Variants in DLG5 observed in about 807,000 individuals in gnomAD.
DLG5 encodes the protein discs large MAGUK scaffold protein 5.
A neutral mutation model predicts 189.8 loss-of-function variants in DLG5; 48 were observed. The observed-to-expected ratio is 0.25, with a 90% CI of 0.20 to 0.32. The LOEUF is 0.32. DLG5 is among the 10% of genes least tolerant of loss of function. The pLI is 1.00. For synonymous variants in DLG5, 1,016 were observed against 1,054.1 expected, an observed-to-expected ratio of 0.96 and a Z score of 0.70; for missense variants, 2,160 against 2,544.7, an observed-to-expected ratio of 0.85 and a Z score of 3.25.
intron 1 of DLG5, among the ~76,000 whole-genome samples, chr10:77,887,992 G>T (rs1453552381): frequency 6.6e-6 from 1 of 152,272 alleles, no homozygotes. Flanking sequence ...CAACAAAGCA[G>T]CAATTTTCAT....
chr10:77,917,214 C>A (rs529106154), intron 1 of DLG5, among the ~76,000 whole-genome samples: 1 of 151,838 alleles, frequency 6.6e-6, no homozygotes, highest in Non-Finnish European at 1.5e-5. Flanking sequence ...TGGTGGCGGG[C>A]GCCTGTAGTC....
rs753809753 is a variant in DLG5 at position 77,829,500 on chromosome 10, A to G, written c.2040T>C (p.Asp680=). The part of the protein sequence containing the change: ...RVNDWLLRIN[D]VDLINKDKKQ... ...TCTTGTCCTTGTTGATGAGGTCCAC[A>G]TCGTTGATTCTCAGCAGCCAGTCAT... is the stretch of plus-strand genomic sequence containing the variant. The change falls in exon 12 of 32, where the codon GAT becomes GAC. Residue 680 remains aspartate, a synonymous_variant. Transcript: ENST00000372391. 2.0e-5 allele frequency: 33 copies of G among 1,612,484 alleles called. No homozygotes were observed. In the South Asian group the frequency reaches 2.9e-4, roughly 14 times the overall value.
At chr10:77,916,759 G>A (rs1298213210) in intron 1 of DLG5, among the ~76,000 whole-genome samples, 1 of 151,554 alleles carries the variant, frequency 6.6e-6, no homozygotes, top group Non-Finnish European at 1.5e-5. Flanking sequence ...TTCACTTCTG[G>A]GTATAAACCC....
At chr10:77,926,925 G>C (rs2131891578), upstream of DLG5, 1 of 353,572 alleles carries the variant, frequency 2.8e-6, no homozygotes, top group South Asian at 1.9e-5. This position sits in a 1 kb window ranked among gnomAD's most constrained non-coding sequence, Gnocchi z 5.2. Flanking sequence ...CGGGCCGCGC[G>C]CCGCCCCCAG....
chr10:77,838,236 C>T (rs1056240398), intron 7 of DLG5, among the ~76,000 whole-genome samples: 2 of 152,158 alleles, frequency 1.3e-5, no homozygotes, highest in African/African-American at 2.4e-5. Context: ...CTTCTACAGA[C>T]GGAACTCGGT....
At chr10:77,840,309 G>A (rs1035650025) in intron 7 of DLG5, among the ~76,000 whole-genome samples, 1 of 152,130 alleles carries the variant, frequency 6.6e-6, no homozygotes, top group African/African-American at 2.4e-5. Flanking sequence ...AGCCCAAGAG[G>A]TCGAGATTAC....
In DLG5 at chr10:77,830,821, C is replaced by T. The variant is rs1842861844; in HGVS notation, c.1801G>A (p.Ala601Thr). The T allele has an allele frequency of 6.2e-7, 1 of 1,614,102 alleles. No homozygotes were observed. Among genetic ancestry groups the T allele is most frequent in the Admixed American group, 1.7e-5 (1 of 60,012 alleles). ...EKEARFRQLM[A>T]HSSHDSAIDT... is the part of the protein sequence containing the mutation. The stretch of plus-strand genomic sequence containing the variant: ...ATGGCCGAGTCGTGGGAGCTGTGGG[C>T]CATCAGCTGTCGGAACCGGGCCTCC... The change falls in exon 10 of 32, where the codon GCC becomes ACC. Residue 601 changes from alanine (A) to threonine (T), a missense_variant. By Grantham distance (58) the Ala-to-Thr change is moderately conservative. Around this residue, in one of 5 missense-constraint regions of DLG5, gnomAD observed 664 missense variants for 838.5 expected, o/e 0.79. Coordinates refer to ENST00000372391, the MANE Select transcript of DLG5 (RefSeq NM_004747.4).
chr10:77,854,440 TG>T (rs1844132637), intron 3 of DLG5, 70 bp from the exon 4 acceptor site: 1 of 1,587,160 alleles, frequency 6.3e-7, no homozygotes, highest in Admixed American at 1.7e-5. Context: ...AACCAGGTCC[TG>T]GATTAGGCCA....
chr10:77,897,028 T>G (rs1455502682), intron 1 of DLG5, among the ~76,000 whole-genome samples: 1 of 150,754 alleles, frequency 6.6e-6, no homozygotes, highest in Admixed American at 6.6e-5. Flanking sequence ...TATAAAATAT[T>G]TGTTGCTTAC....
chr10:77,844,957 T>C (rs1352448434), intron 5 of DLG5, among the ~76,000 whole-genome samples: 3 of 151,134 alleles, frequency 2.0e-5, no homozygotes, highest in Non-Finnish European at 3.0e-5. Context: ...AAGAGCCCAA[T>C]GCACAGGGGG....
chr10:77,886,898 T>A (rs1449349650), intron 1 of DLG5, among the ~76,000 whole-genome samples: 1 of 152,252 alleles, frequency 6.6e-6, no homozygotes, highest in East Asian at 1.9e-4. Context: ...ACGGAGAACA[T>A]GGCCATCTGC....
chr10:77,797,354 G>C (rs1243985122), intron 27 of DLG5, among the ~76,000 whole-genome samples: 1 of 152,146 alleles, frequency 6.6e-6, no homozygotes, highest in African/African-American at 2.4e-5. Flanking sequence ...GCGTCTCCCT[G>C]GTATAAGTCA....
At chr10:77,859,146 G>T (rs1242887193) in intron 2 of DLG5, among the ~76,000 whole-genome samples, 1 of 152,030 alleles carries the variant, frequency 6.6e-6, no homozygotes, top group African/African-American at 2.4e-5. Context: ...AAAGTGGTCG[G>T]ATTACAGGCG....
At chr10:77,811,891 C>G (rs750861807) in intron 22 of DLG5, 33 bp downstream of exon 22, 15 of 1,582,896 alleles carry the variant, frequency 9.5e-6, no homozygotes, top group Admixed American at 1.7e-5. Flanking sequence ...TCTCCACCCC[C>G]AGCCCAGACG....
rs1454932254 is a variant in DLG5, at chr10:77,881,678, G to A, written c.305-12481C>T. Among the ~76,000 whole-genome samples, 9 of 152,332 alleles carry A rather than the reference G, an allele frequency of 5.9e-5. No homozygotes were observed. The South Asian group carries it at 1.2e-3, about 21-fold the overall frequency. On this transcript the variant is annotated intron_variant, in intron 1 of 31. Coordinates refer to ENST00000372391, the MANE Select transcript of DLG5 (RefSeq NM_004747.4). ...AATGGAGTTTCAGGAAGCTGTTTATGATTCTGATGCTTAGACCAAATGCAA... is the reference window on the plus strand; with the variant it reads ...AATGGAGTTTCAGGAAGCTGTTTATAATTCTGATGCTTAGACCAAATGCAA...
chr10:77,852,528 G>C (rs555992854), intron 5 of DLG5, among the ~76,000 whole-genome samples: 61 of 151,798 alleles, frequency 4.0e-4, no homozygotes, highest in Non-Finnish European at 8.1e-4. Flanking sequence ...CCATTCTCCT[G>C]CCTCAGCCTC....
At chr10:77,806,949 A>C in intron 25 of DLG5, 21 bp from the exon 26 acceptor site, 2 of 1,597,928 alleles carry the variant, frequency 1.3e-6, no homozygotes, top group Admixed American at 3.3e-5. Context: ...GCACAGAAGG[A>C]ACACGATCAG....
chr10:77,862,194 C>T (rs114133772), intron 2 of DLG5, among the ~76,000 whole-genome samples: 4 of 152,270 alleles, frequency 2.6e-5, no homozygotes, highest in African/African-American at 9.6e-5. Context: ...GCCACCAAGA[C>T]CAAATTCTAC....
chr10:77,923,974 C>T (rs368638444), intron 1 of DLG5, among the ~76,000 whole-genome samples: 1 of 152,136 alleles, frequency 6.6e-6, no homozygotes, highest in African/African-American at 2.4e-5. Context: ...AAGTGATTCT[C>T]CTGCCTCAGC....
Sources: allele counts gnomAD v4.1 joint callset (sites outside exome capture counted in the v4.1 genomes callset), GRCh38; gene constraint gnomAD v4.1.1; regional missense constraint gnomAD v4.1.1; non-coding constraint Gnocchi (gnomAD v3.1); transcripts MANE v1.5; gene names NCBI Gene and HGNC (gene_info 2026-07-23, HGNC 2026-07-21).